APP: variants seen among roughly 807,000 people sequenced by gnomAD.
The protein encoded by APP is amyloid beta precursor protein.
In APP, 31 loss-of-function variants were observed where a neutral mutation model predicts 101.4. The ratio of observed to expected loss-of-function variants is 0.31; its 90% confidence interval spans 0.23 to 0.41. The LOEUF is 0.41. Ranked by LOEUF, APP falls within the 10% of genes least tolerant of loss-of-function variation. APP has a pLI of 1.00. For missense variants in APP, 839 were observed against 1,003.7 expected (o/e 0.84, Z 2.22); for synonymous variants, 366 against 364.4 (o/e 1.00, Z -0.05).
intron 13 of APP, among the ~76,000 whole-genome samples, chr21:25,953,223 T>C (rs1308835330): frequency 6.6e-6 from 1 of 152,202 alleles, no homozygotes; most frequent in Non-Finnish European, 1.5e-5. Flanking sequence ...CTCCCTGACA[T>C]ATGAAGTTTC....
intron 13 of APP, among the ~76,000 whole-genome samples, chr21:25,918,700 C>A (rs1470143018): frequency 6.6e-6 from 1 of 151,622 alleles, no homozygotes; most frequent in Non-Finnish European, 1.5e-5. Flanking sequence ...CACCACGAGA[C>A]TATATCCCAC....
chr21:26,025,661 G>A (rs981441859), intron 5 of APP, among the ~76,000 whole-genome samples: 3 of 152,174 alleles, frequency 2.0e-5, no homozygotes, highest in Non-Finnish European at 4.4e-5. Flanking sequence ...GTGTCTAGCC[G>A]TGAAAAAGAG....
chr21:26,058,479 G>A (rs2046130229), intron 3 of APP, among the ~76,000 whole-genome samples: 1 of 152,224 alleles, frequency 6.6e-6, no homozygotes, highest in African/African-American at 2.4e-5. Flanking sequence ...CCACACTATG[G>A]AATTTAAAGT....
At chr21:26,084,756 G>A (rs575326999) in intron 3 of APP, among the ~76,000 whole-genome samples, 1 of 152,220 alleles carries the variant, frequency 6.6e-6, no homozygotes, top group African/African-American at 2.4e-5. Flanking sequence ...GATTAATGCT[G>A]CTTAAATTTT....
intron 6 of APP, among the ~76,000 whole-genome samples, chr21:26,006,426 T>C (rs773855367): frequency 6.6e-6 from 1 of 152,226 alleles, no homozygotes. Flanking sequence ...AGCAAAATCA[T>C]GTGCTTCTAA....
In APP at chr21:25,955,695, G is replaced by A; in HGVS notation, c.1519C>T (p.His507Tyr). 7 of 1,614,152 alleles carry A rather than the reference G, an allele frequency of 4.3e-6. No homozygotes were observed. The highest frequency in any genetic ancestry group is 5.1e-6 in the Non-Finnish European group (6 of 1,180,030). ...YVRAEQKDRQHTLKHFEHVRM... is the reference protein window; with the variant it reads ...YVRAEQKDRQYTLKHFEHVRM... ...ACATGCTCGAAATGCTTTAGGGTGT[G>A]CTGTCTGTCCTTCTGTTCTGCGCGG... is the stretch of plus-strand genomic sequence containing the variant. Residue 507 changes from histidine to tyrosine, a missense_variant, in exon 12 of 18, where the codon CAC becomes TAC. By Grantham distance (83) the His-to-Tyr change is moderately conservative (BLOSUM62 2). Transcript: ENST00000346798.
At chr21:26,146,905 C>T (rs1225547773) in intron 1 of APP, among the ~76,000 whole-genome samples, 1 of 152,020 alleles carries the variant, frequency 6.6e-6, no homozygotes, top group African/African-American at 2.4e-5. Flanking sequence ...AATTACCCAC[C>T]TTCCTTCTAT....
At chr21:26,087,276 T>C (rs1426023408) in intron 3 of APP, among the ~76,000 whole-genome samples, 1 of 152,246 alleles carries the variant, frequency 6.6e-6, no homozygotes, top group Non-Finnish European at 1.5e-5. Flanking sequence ...GCTCTACTTG[T>C]CATATTAGGG....
intron 6 of APP, among the ~76,000 whole-genome samples, chr21:26,005,389 G>A (rs1294733457): frequency 6.6e-6 from 1 of 152,108 alleles, no homozygotes; most frequent in Non-Finnish European, 1.5e-5. Flanking sequence ...ACTCCAGCCT[G>A]GGCGACAGAG....
intron 6 of APP, among the ~76,000 whole-genome samples, chr21:26,003,004 G>C (rs1277260373): frequency 3.9e-5 from 6 of 152,170 alleles, no homozygotes. Flanking sequence ...GTGAAACCTA[G>C]CAACAATTTC....
chr21:26,114,507 G>A (rs1344955535), intron 1 of APP, among the ~76,000 whole-genome samples: 1 of 152,170 alleles, frequency 6.6e-6, no homozygotes, highest in Non-Finnish European at 1.5e-5. Context: ...TCACTGAAGG[G>A]CATGATGATG....
intron 11 of APP, among the ~76,000 whole-genome samples, chr21:25,966,063 A>G (rs921016875): frequency 2.6e-5 from 4 of 152,164 alleles, no homozygotes; most frequent in African/African-American, 9.7e-5. Flanking sequence ...TGCCTTCCCA[A>G]CATACTTCTT....
intron 5 of APP, among the ~76,000 whole-genome samples, chr21:26,024,731 ACT>A (rs2044494706): frequency 6.6e-6 from 1 of 152,164 alleles, no homozygotes; most frequent in Non-Finnish European, 1.5e-5. Flanking sequence ...GGAACACCTG[ACT>A]CTGATTACGT....
intron 5 of APP, among the ~76,000 whole-genome samples, chr21:26,042,779 G>C (rs1337815361): frequency 6.6e-6 from 1 of 152,076 alleles, no homozygotes; most frequent in Non-Finnish European, 1.5e-5. Context: ...GGCAGGCATG[G>C]TGGCAATGTG....
At chr21:25,888,903 T>C (rs761806758) in intron 17 of APP, among the ~76,000 whole-genome samples, 1 of 152,238 alleles carries the variant, frequency 6.6e-6, no homozygotes, top group Non-Finnish European at 1.5e-5. Flanking sequence ...AGTGTTAAAA[T>C]GATGTGTCAG....
At chr21:25,911,652 TACAAA>T in intron 14 of APP, 84 bp downstream of exon 14, 1 of 1,233,370 alleles carries the variant, frequency 8.1e-7, no homozygotes, top group Non-Finnish European at 1.2e-6. Flanking sequence ...CTCAAGAACA[TACAAA>T]AGATAACTCT....
intron 2 of APP, among the ~76,000 whole-genome samples, chr21:26,090,799 A>C (rs2061807444): frequency 1.3e-5 from 2 of 152,214 alleles, no homozygotes; most frequent in Non-Finnish European, 1.5e-5. Context: ...TTTCTATATA[A>C]AAATCCTGCT....
At chr21:26,109,716 G>A (rs1401280969) in intron 2 of APP, among the ~76,000 whole-genome samples, 1 of 14,452 alleles carries the variant, frequency 6.9e-5, no homozygotes, top group Non-Finnish European at 1.3e-4. Flanking sequence ...CTGGGGTCAA[G>A]AAGAGTAATT....
At chr21:26,070,163 T>C (rs1168505276) in intron 3 of APP, among the ~76,000 whole-genome samples, 5 of 152,358 alleles carry the variant, frequency 3.3e-5, no homozygotes, top group Non-Finnish European at 7.3e-5. Context: ...TTAGAATTTA[T>C]CAACATCCCT....
Sources: allele counts gnomAD v4.1 joint callset (sites outside exome capture counted in the v4.1 genomes callset), GRCh38; gene constraint gnomAD v4.1.1; transcripts MANE v1.5; gene names NCBI Gene and HGNC (gene_info 2026-07-23, HGNC 2026-07-21).